The following WASHC2A variants were observed in gnomAD, a reference collection of about 807,000 sequenced individuals.
WASHC2A encodes WASH complex subunit 2A, also known as WASH complex subunit FAM21A.
Under a neutral mutation model 140.3 loss-of-function variants are expected in WASHC2A, and 82 were observed. That is an observed-to-expected ratio of 0.58 (90% CI 0.49 to 0.70). WASHC2A has a LOEUF of 0.70. WASHC2A is among the 30% of genes least tolerant of loss of function. The pLI is 0.00. For missense variants in WASHC2A, 985 were observed against 1,521.8 expected (o/e 0.65, Z 5.87); for synonymous variants, 340 against 560.8 (o/e 0.61, Z 5.56).
At chr10:50,098,759 T>G (rs1156752286) in intron 16 of WASHC2A, among the ~76,000 whole-genome samples, 1 of 146,738 alleles carries the variant, frequency 6.8e-6, no homozygotes, top group African/African-American at 2.5e-5. Context: ...GCCACTTGTA[T>G]TGTAGAATGT....
At chr10:50,084,651 G>A (rs1476036833) in intron 6 of WASHC2A, among the ~76,000 whole-genome samples, 5 of 151,332 alleles carry the variant, frequency 3.3e-5, no homozygotes, top group East Asian at 1.9e-4. Context: ...GGCTGGTCTC[G>A]AATTCCTGAC....
chr10:50,121,277 G>A (rs1172479729), intron 23 of WASHC2A, among the ~76,000 whole-genome samples: 1 of 150,276 alleles, frequency 6.7e-6, no homozygotes, highest in Non-Finnish European at 1.5e-5. Flanking sequence ...ACATCCATTG[G>A]AAATAATTAA....
chr10:50,068,725 C>T (rs1554875127), intron 2 of WASHC2A, among the ~76,000 whole-genome samples: 1 of 149,498 alleles, frequency 6.7e-6, no homozygotes, highest in East Asian at 1.9e-4. Flanking sequence ...CCAAAGAGGA[C>T]TTTTAAAAGG....
At chr10:50,106,039 G>A (rs1177932687) in intron 18 of WASHC2A, among the ~76,000 whole-genome samples, 1 of 152,140 alleles carries the variant, frequency 6.6e-6, no homozygotes, top group Non-Finnish European at 1.5e-5. Flanking sequence ...TGCCCACAGG[G>A]TGACTGGATG....
At chr10:50,100,480 T>C (rs1393415424) in intron 17 of WASHC2A, among the ~76,000 whole-genome samples, 18 of 152,154 alleles carry the variant, frequency 1.2e-4, no homozygotes, top group African/African-American at 4.3e-4. Context: ...AGACTTCATC[T>C]CAAAATAAAT....
At chr10:50,087,182 G>A (rs2132501463) in intron 7 of WASHC2A, 93 bp from the exon 8 acceptor site, 3 of 1,552,862 alleles carry the variant, frequency 1.9e-6, no homozygotes, top group Non-Finnish European at 2.7e-6. Context: ...ACTTGACATA[G>A]AATCAGCCTG....
Position 50,118,238 on chromosome 10 carries a change from T to TC in WASHC2A, c.2295+183dup, listed in dbSNP as rs1842820812. On this transcript the variant is annotated intron_variant, in intron 22 of 30. Transcript: ENST00000282633. ...CAGGAAGCCTCTGCAGGGCCTTTCC[T>TC]CCCGGCCCTTCTCCAAGACATGTGC... Among the ~76,000 whole-genome samples the TC allele has an allele frequency of 5.1e-5, 4 of 78,556 alleles. No homozygotes were observed. The Admixed American group carries it at 6.6e-4, about 13-fold the overall frequency. 51.5% of individuals were successfully genotyped at this position (78,556 alleles called of 152,430 possible). A position where few individuals can be genotyped will look rare whatever the true frequency, so the allele number is the denominator to read the frequency against.
At position 50,069,551 on chromosome 10, in the gene WASHC2A, TAC is replaced by T; in HGVS notation, c.133_134del (p.Gln45ValfsTer12). 1.2e-6 allele frequency: 2 copies of T among 1,613,168 alleles called. No individual in the cohort carries two copies. Among genetic ancestry groups the T allele is most frequent in the Non-Finnish European group, 1.7e-6 (2 of 1,179,614 alleles). On this transcript the variant is annotated frameshift_variant, in exon 3 of 31. Transcript: ENST00000282633. LOFTEE classifies it high-confidence loss of function. ...TATGTTTATTTTTTAAAATAGCTACTACAGTTTCTACAGGAATTCTCACAGCA... is the reference window on the plus strand; with the variant it reads ...TATGTTTATTTTTTAAAATAGCTACTAGTTTCTACAGGAATTCTCACAGCA...
At chr10:50,079,974 G>A (rs1160664799) in intron 4 of WASHC2A, among the ~76,000 whole-genome samples, 3 of 122,558 alleles carry the variant, frequency 2.4e-5, no homozygotes, top group Non-Finnish European at 5.1e-5. Context: ...TAAAATGCTC[G>A]TAGGGTTTTT....
chr10:50,100,309 C>G (rs1309569964), intron 17 of WASHC2A, among the ~76,000 whole-genome samples: 1 of 151,742 alleles, frequency 6.6e-6, no homozygotes, highest in Non-Finnish European at 1.5e-5. Flanking sequence ...TGATGAAACC[C>G]AGTCTCTATT....
intron 2 of WASHC2A, 52 bp downstream of exon 2, chr10:50,068,279 G>T (rs1554874959): frequency 6.7e-7 from 1 of 1,495,448 alleles, no homozygotes; most frequent in Admixed American, 2.1e-5. Context: ...CGCTTGGCTT[G>T]CGCGCAGGAG....
intron 4 of WASHC2A, among the ~76,000 whole-genome samples, chr10:50,080,132 C>T (rs1326003540): frequency 2.4e-4 from 36 of 152,252 alleles, no homozygotes; most frequent in African/African-American, 7.5e-4. Context: ...ACTGCTGTTG[C>T]AGGAAGAAGA....
intron 17 of WASHC2A, among the ~76,000 whole-genome samples, chr10:50,101,834 G>A (rs1841217162): frequency 6.8e-6 from 1 of 147,152 alleles, no homozygotes; most frequent in African/African-American, 2.5e-5. Flanking sequence ...TTATTCATAT[G>A]TCTGGTACCT....
In WASHC2A at chr10:50,086,031, G is replaced by A. The variant is rs1839345953; in HGVS notation, c.684+473G>A. 2.1e-5 allele frequency among the ~76,000 whole-genome samples: 3 copies of A among 145,060 alleles called. No individual in the cohort carries two copies. The South Asian group carries it at 6.6e-4, about 32-fold the overall frequency. ...CCGCTAGCGCTTTCATATCCACAGA[G>A]CATAATTTCATTTCCTTGTCTAGAG... On this transcript the variant is annotated intron_variant, in intron 7 of 30. Transcript: ENST00000282633.
At position 50,129,559 on chromosome 10, in the gene WASHC2A, A is replaced by G; in HGVS notation, c.3228A>G (p.Pro1076=). The change falls in exon 29 of 31, where the codon CCA becomes CCG. Residue 1076 remains proline (P), a synonymous_variant. Transcript: ENST00000282633. The part of the protein sequence containing the change: ...IAQWADGAIS[P]NGHRPQLRAA... ...AGTGGGCTGATGGCGCCATTTCCCC[A>G]AATGGCCATCGGCCACAGCTCAGAG... 1 of 1,612,032 alleles carries G rather than the reference A, an allele frequency of 6.2e-7. No homozygotes were observed. Among genetic ancestry groups the G allele is most frequent in the Non-Finnish European group, 8.5e-7 (1 of 1,179,862 alleles).
intron 3 of WASHC2A, among the ~76,000 whole-genome samples, chr10:50,070,342 C>T (rs1837688615): frequency 6.6e-6 from 1 of 151,874 alleles, no homozygotes; most frequent in African/African-American, 2.4e-5. Flanking sequence ...ATGGCTGGAG[C>T]AGAGTGGAGA....
chr10:50,079,263 T>C (rs1391753103), intron 4 of WASHC2A, among the ~76,000 whole-genome samples: 1 of 152,028 alleles, frequency 6.6e-6, no homozygotes, highest in East Asian at 1.9e-4. Context: ...CCTGTAAAGG[T>C]TGGCCCTTTG....
chr10:50,087,466 T>C, intron 8 of WASHC2A, 144 bp downstream of exon 8: 1 of 1,102,132 alleles, frequency 9.1e-7, no homozygotes, highest in Non-Finnish European at 1.3e-6. Context: ...ATTTCATGTA[T>C]TTAGGCTAAC....
At position 50,091,598 on chromosome 10, in the gene WASHC2A, T is replaced by C. The variant is rs1478944714; in HGVS notation, c.931+80T>C. On this transcript the variant is annotated intron_variant, in intron 10 of 30. Coordinates refer to ENST00000282633, the MANE Select transcript of WASHC2A (RefSeq NM_001005751.3). ...GCTGGCTTCACCAAAGGCGGATTTC[T>C]CTTTTTATTAGTAATTACTACATAT... 565 of 1,399,220 alleles carry C rather than the reference T, an allele frequency of 4.0e-4. 1 individual carries two copies. Among genetic ancestry groups the C allele is most frequent in the Non-Finnish European group, 4.9e-4 (503 of 1,018,816 alleles). The allele number at this position is 1,399,220 out of a possible 1,614,324, so 86.7% of individuals were successfully genotyped here.
Sources: gnomAD v4.1 joint callset for allele counts (sites outside exome capture counted in the v4.1 genomes callset) on GRCh38, gnomAD v4.1.1 for gene constraint, MANE v1.5 for transcripts, NCBI Gene and HGNC (gene_info 2026-07-23, HGNC 2026-07-21) for gene names.